NDUFA3: variants seen among roughly 807,000 people sequenced by gnomAD.
NDUFA3 encodes the protein NADH dehydrogenase [ubiquinone] 1 alpha subcomplex subunit 3.
A neutral mutation model predicts 11.4 loss-of-function variants in NDUFA3; 10 were observed. That is an observed-to-expected ratio of 0.87 (90% CI 0.54 to 1.48). The LOEUF is 1.48. Ranked by LOEUF, NDUFA3 falls within the 40% of genes most tolerant of loss-of-function variation. The pLI is 0.00. For synonymous variants in NDUFA3, 39 were observed against 46.9 expected, an observed-to-expected ratio of 0.83 and a Z score of 0.68; for missense variants, 115 against 110.5, an observed-to-expected ratio of 1.04 and a Z score of -0.18.
chr19:54,105,556 A>G (rs1230415229), intron 2 of NDUFA3: 1 of 431,742 alleles, frequency 2.3e-6, no homozygotes, highest in East Asian at 6.3e-5. Flanking sequence ...GGCTTGAGCC[A>G]CTGTGCCCGG....
chr19:54,106,274 C>T lies in NDUFA3; in HGVS notation c.163+263C>T, dbSNP rs587729048. The T allele has an allele frequency of 1.3e-3, 641 of 488,402 alleles. 4 individuals are homozygous for T. The highest frequency in any genetic ancestry group is 0.011 in the African/African-American group (564 of 50,584). The allele number at this position is 488,402 out of a possible 1,614,324, so 30.3% of individuals were successfully genotyped here. ...AGTGCAGTGGCGCGATCTCAGCTCA[C>T]TGCAAGCTCAGCCTCCCGAGTAGCT... is the stretch of plus-strand genomic sequence containing the variant. On this transcript the variant is annotated intron_variant, in intron 3 of 3. Coordinates refer to ENST00000485876, the MANE Select transcript of NDUFA3 (RefSeq NM_004542.4).
intron 2 of NDUFA3, among the ~76,000 whole-genome samples, chr19:54,104,827 C>T (rs1568557837): frequency 6.6e-6 from 1 of 152,052 alleles, no homozygotes; most frequent in Non-Finnish European, 1.5e-5. Context: ...CAACCTCCGC[C>T]TCCCGGGTTC....
At chr19:54,104,096 G>A (rs1179636443) in intron 2 of NDUFA3, among the ~76,000 whole-genome samples, 1 of 146,066 alleles carries the variant, frequency 6.8e-6, no homozygotes, top group Non-Finnish European at 1.5e-5. Context: ...GTCTCCCAAA[G>A]TGCTGGGATT....
rs4147630 is a variant in NDUFA3 at position 54,106,888 on chromosome 19, C to G, written c.241C>G (p.Leu81Val). ...CCCTCAGGGCCCCAGCCTGGAGTGGCTGAAGAAACTGTGAGCACCTCCACT... is the reference window on the plus strand; with the variant it reads ...CCCTCAGGGCCCCAGCCTGGAGTGGGTGAAGAAACTGTGAGCACCTCCACT... ...QDPQGPSLEW[L>V]KKL The change falls in exon 4 of 4, where the codon CTG becomes GTG. Residue 81 changes from leucine to valine, a missense_variant. Transcript: ENST00000485876. 4.8e-5 allele frequency: 78 copies of G among 1,612,868 alleles called. No individual in the cohort carries two copies. The East Asian group carries it at 1.7e-3, about 35-fold the overall frequency.
rs587626206 is a variant in NDUFA3 at position 54,106,302 on chromosome 19, G to T, written c.163+291G>T. On this transcript the variant is annotated intron_variant, in intron 3 of 3. Coordinates refer to ENST00000485876, the MANE Select transcript of NDUFA3 (RefSeq NM_004542.4). ...CAAGCTCAGCCTCCCGAGTAGCTGG[G>T]ACTACAGGTGCCCGCCACCACGACA... 6.7e-6 allele frequency: 3 copies of T among 451,060 alleles called. No homozygotes were observed. In the South Asian group the frequency reaches 8.1e-5, roughly 12 times the overall value. 27.9% of individuals were successfully genotyped at this position (451,060 alleles called of 1,614,324 possible).
At chr19:54,103,056 G>A (rs912510363) in intron 1 of NDUFA3, 58 bp from the exon 2 acceptor site, 7 of 1,584,906 alleles carry the variant, frequency 4.4e-6, no homozygotes, top group African/African-American at 4.0e-5. Flanking sequence ...GCACGAGAGG[G>A]TTAGAGGTCA....
At chr19:54,106,425 T>G in intron 3 of NDUFA3, 5 of 325,218 alleles carry the variant, frequency 1.5e-5, no homozygotes, top group South Asian at 8.3e-5. Flanking sequence ...CACCTCGGCC[T>G]CCCAAAGTGC....
intron 2 of NDUFA3, 173 bp from the exon 3 acceptor site, chr19:54,105,761 C>T (rs1473454093): frequency 8.8e-6 from 6 of 683,980 alleles, no homozygotes; most frequent in African/African-American, 1.8e-5. Flanking sequence ...GAGTTTTAAA[C>T]CCTCCTGTCT....
intron 2 of NDUFA3, among the ~76,000 whole-genome samples, chr19:54,104,135 CTTTTTTTT>C (rs58827171): frequency 6.8e-5 from 6 of 88,630 alleles, no homozygotes; most frequent in Admixed American, 1.4e-4. Flanking sequence ...GCCCGGCCAG[CTTTTTTTT>C]TTTTTTTTTT....
In NDUFA3 at chr19:54,103,170, TTCG is replaced by T. The variant is rs1377973800; in HGVS notation, c.74_76del (p.Val25del). On this transcript the variant is annotated inframe_deletion, in exon 2 of 4. Coordinates refer to ENST00000485876, the MANE Select transcript of NDUFA3 (RefSeq NM_004542.4). ...CAAGGAGCCAGTGCTGGTCGTGTCC[TTCG>T]TCGTCGGGGGCCTCGGTGCGTGAGT... 2 of 1,601,090 alleles carry T rather than the reference TTCG, an allele frequency of 1.2e-6. No homozygotes were observed. The highest frequency in any genetic ancestry group is 1.7e-6 in the Non-Finnish European group (2 of 1,171,408).
At chr19:54,105,170 G>A (rs180980251) in intron 2 of NDUFA3, among the ~76,000 whole-genome samples, 1 of 150,428 alleles carries the variant, frequency 6.6e-6, no homozygotes, top group East Asian at 2.0e-4. Context: ...TTTATGAACT[G>A]TACCCCATCC....
chr19:54,103,247 C>T, intron 2 of NDUFA3, 59 bp downstream of exon 2: 1 of 1,498,658 alleles, frequency 6.7e-7, no homozygotes. Flanking sequence ...CTACATCCCT[C>T]CATCTTGTAC....
intron 3 of NDUFA3, chr19:54,106,588 C>G (rs1450942679): frequency 3.9e-5 from 19 of 484,076 alleles, no homozygotes; most frequent in Non-Finnish European, 5.1e-5. Flanking sequence ...TCTTTTGACC[C>G]TAGCTCTCTA....
intron 2 of NDUFA3, among the ~76,000 whole-genome samples, chr19:54,105,263 G>GATTTTTTTTTTTT (rs1201834834): frequency 0.023 from 895 of 38,940 alleles, 43 homozygotes; most frequent in Non-Finnish European, 0.035. Flanking sequence ...AGTTTGTAAG[G>GATTTTTTTTTTTT]CTTTTTTTTT....
Position 54,105,413 on chromosome 19 carries a change from C to T in NDUFA3, c.86-521C>T, listed in dbSNP as rs185451369. Among the ~76,000 whole-genome samples the T allele has an allele frequency of 1.4e-4, 21 of 151,864 alleles. No homozygotes were observed. The East Asian group carries it at 3.9e-3, about 28-fold the overall frequency. ...CCTCCTGAGTAGCTGGGATTACAGG[C>T]TCCTGCCACCACGCCCGGCTAATTT... On this transcript the variant is annotated intron_variant, in intron 2 of 3. Transcript: ENST00000485876.
At chr19:54,103,865 G>A (rs2073170863) in intron 2 of NDUFA3, among the ~76,000 whole-genome samples, 2 of 148,670 alleles carry the variant, frequency 1.3e-5, no homozygotes, top group South Asian at 2.2e-4. Context: ...ACTGAGTCTC[G>A]CTCTGTCGCC....
chr19:54,103,157 G>C lies in NDUFA3; in HGVS notation c.54G>C (p.Val18=), dbSNP rs1419964387. 1.2e-6 allele frequency: 2 copies of C among 1,606,480 alleles called. No individual in the cohort carries two copies. The highest frequency in any genetic ancestry group is 2.7e-5 in the African/African-American group (2 of 74,738). Residue 18 remains valine (V), a synonymous_variant, in exon 2 of 4, where the codon GTG becomes GTC. Transcript: ENST00000485876. ...FLKNAWDKEP[V]LVVSFVVGGL... is the part of the protein sequence containing the mutation. Reference sequence around the variant, plus strand: ...AGAATGCCTGGGACAAGGAGCCAGTGCTGGTCGTGTCCTTCGTCGTCGGGG... The same window carrying C: ...AGAATGCCTGGGACAAGGAGCCAGTCCTGGTCGTGTCCTTCGTCGTCGGGG...
chr19:54,107,084 G>T lies in NDUFA3; in HGVS notation c.*182G>T. ...GGCTGGGCTGGCCAGGGTCGGGTAG[G>T]GCAGCAGTTTGTCTGGACCCCGAGA... On this transcript the variant is annotated 3_prime_UTR_variant, in exon 4 of 4. Transcript: ENST00000485876. The T allele has an allele frequency of 6.2e-7, 1 of 1,613,892 alleles. No homozygotes were observed. Among genetic ancestry groups the T allele is most frequent in the East Asian group, 2.2e-5 (1 of 44,880 alleles).
chr19:54,103,089 G>T (rs374816195), intron 1 of NDUFA3, 25 bp from the exon 2 acceptor site: 1 of 1,609,904 alleles, frequency 6.2e-7, no homozygotes. Flanking sequence ...ACTTGCAGGG[G>T]TGACGCTTCT....
Sources: gnomAD v4.1 joint callset for allele counts (sites outside exome capture counted in the v4.1 genomes callset) on GRCh38, gnomAD v4.1.1 for gene constraint, MANE v1.5 for transcripts, NCBI Gene and HGNC (gene_info 2026-07-23, HGNC 2026-07-21) for gene names.